Variants in TANC2 observed in about 807,000 individuals in gnomAD.
TANC2 encodes tetratricopeptide repeat, ankyrin repeat and coiled-coil containing 2.
A neutral mutation model predicts 210.5 loss-of-function variants in TANC2; 26 were observed. The ratio of observed to expected loss-of-function variants is 0.12; its 90% CI spans 0.09 to 0.17. TANC2 has a LOEUF of 0.17. TANC2 is among the 10% of genes least tolerant of loss of function. The pLI is 1.00. For synonymous variants in TANC2, 931 were observed against 967.1 expected (o/e 0.96, Z 0.69); for missense variants, 2,129 against 2,608.9 (o/e 0.82, Z 4.01).
At chr17:63,331,643 T>C (rs1302941594) in intron 11 of TANC2, among the ~76,000 whole-genome samples, 4 of 152,218 alleles carry the variant, frequency 2.6e-5, no homozygotes, top group African/African-American at 7.2e-5. Context: ...CAAAAAGATC[T>C]GGGTTTTTCA....
chr17:63,028,657 G>A (rs754546730), intron 2 of TANC2, among the ~76,000 whole-genome samples: 15 of 152,150 alleles, frequency 9.9e-5, no homozygotes, highest in Middle Eastern at 6.8e-3. Context: ...CACTTTTCAG[G>A]AAGAAAAAGG....
At chr17:63,010,410 CTG>C (rs2033812896) in intron 2 of TANC2, among the ~76,000 whole-genome samples, 1 of 151,058 alleles carries the variant, frequency 6.6e-6, no homozygotes, top group Non-Finnish European at 1.5e-5. Flanking sequence ...AAAAGGAAAA[CTG>C]TTTTTTCCTC....
intron 7 of TANC2, among the ~76,000 whole-genome samples, chr17:63,203,940 T>C (rs773456074): frequency 6.6e-6 from 1 of 152,058 alleles, no homozygotes; most frequent in Non-Finnish European, 1.5e-5. Context: ...ATGAGGATGA[T>C]TAAAGAATAA....
chr17:63,256,871 T>A (rs538608226), intron 8 of TANC2, among the ~76,000 whole-genome samples: 1 of 152,304 alleles, frequency 6.6e-6, no homozygotes, highest in East Asian at 1.9e-4. Context: ...GTGACTTTCT[T>A]TGTCTCTTTT....
At chr17:63,305,218 T>C (rs564025514) in intron 9 of TANC2, 3 of 152,280 alleles carry the variant, frequency 2.0e-5, no homozygotes, top group Admixed American at 2.0e-4. Flanking sequence ...GGCTCACGAG[T>C]AGGATCTTCC....
intron 7 of TANC2, among the ~76,000 whole-genome samples, chr17:63,234,448 C>T (rs1598664804): frequency 1.3e-5 from 2 of 152,100 alleles, no homozygotes; most frequent in African/African-American, 2.4e-5. Context: ...AGAATGAGGC[C>T]GATTATTTTC....
At chr17:63,411,372 A>G in intron 21 of TANC2, 139 bp from the exon 22 acceptor site, 1 of 782,586 alleles carries the variant, frequency 1.3e-6, no homozygotes, top group Non-Finnish European at 2.0e-6. Context: ...TACAACTGGC[A>G]TACCAGCATC....
intron 4 of TANC2, among the ~76,000 whole-genome samples, chr17:63,130,090 A>C (rs1340806936): frequency 6.6e-6 from 1 of 152,216 alleles, no homozygotes. Flanking sequence ...TAATCTTCTT[A>C]TAGATGTATA....
At chr17:63,009,163 ATAAT>A (rs1224347596) in intron 1 of TANC2, among the ~76,000 whole-genome samples, 1 of 151,962 alleles carries the variant, frequency 6.6e-6, no homozygotes, top group Non-Finnish European at 1.5e-5. Context: ...TTATGGGTAA[ATAAT>A]AGTTGTATAT....
At chr17:63,389,454 C>G in exon 17 of TANC2, 4 of 1,613,930 alleles carry the variant, frequency 2.5e-6, no homozygotes, top group Non-Finnish European at 2.5e-6. Flanking sequence ...ACGTGGATGC[C>G]TCTTCTGAAA....
intron 6 of TANC2, chr17:63,197,680 C>T (rs184109186): frequency 6.6e-6 from 1 of 152,224 alleles, no homozygotes; most frequent in East Asian, 1.9e-4. Flanking sequence ...TATGAATTTC[C>T]TCTTTAGCTT....
chr17:63,417,220 CTTT>C (rs2048891189), intron 26 of TANC2, among the ~76,000 whole-genome samples: 1 of 152,180 alleles, frequency 6.6e-6, no homozygotes, highest in South Asian at 2.1e-4. Context: ...TTCCCATCAA[CTTT>C]TAAAAAATTT....
At chr17:63,413,102 C>A (rs1015991872) in intron 24 of TANC2, 2 of 222,608 alleles carry the variant, frequency 9.0e-6, no homozygotes, top group African/African-American at 4.6e-5. Flanking sequence ...CAGTGGTTTC[C>A]CTTCTGCAAA....
chr17:63,015,058 G>A (rs1205105669), intron 2 of TANC2, among the ~76,000 whole-genome samples: 1 of 151,616 alleles, frequency 6.6e-6, no homozygotes, highest in Non-Finnish European at 1.5e-5. Context: ...ATGAATAATT[G>A]GGTAGATACT....
intron 3 of TANC2, among the ~76,000 whole-genome samples, chr17:63,098,516 T>TATAA (rs2037498450): frequency 1.0e-5 from 1 of 97,538 alleles, no homozygotes; most frequent in African/African-American, 6.7e-5. Flanking sequence ...TCTCTGTGTG[T>TATAA]ATATATATAT....
chr17:63,405,596 C>T (rs2048478967), intron 20 of TANC2, among the ~76,000 whole-genome samples: 1 of 152,188 alleles, frequency 6.6e-6, no homozygotes, highest in Non-Finnish European at 1.5e-5. Flanking sequence ...CTGAGACTTA[C>T]TAAAAGAAAA....
At chr17:63,081,745 A>G (rs1354659420) in intron 3 of TANC2, among the ~76,000 whole-genome samples, 10 of 152,238 alleles carry the variant, frequency 6.6e-5, no homozygotes, top group African/African-American at 2.4e-4. Flanking sequence ...CACATTTTGT[A>G]TCAGAACATA....
rs138371976 is a variant in TANC2, at chr17:63,249,148, A to G, written c.1033+11071A>G. On this transcript the variant is annotated intron_variant, in intron 8 of 27. Transcript: ENST00000689528. ...AACATGAAAACTTTTAACTCAAATG[A>G]TAAAGTGATTAAAGTTGAGTTTTGG... 5.3e-5 allele frequency among the ~76,000 whole-genome samples: 8 copies of G among 152,308 alleles called. No homozygotes were observed. The East Asian group carries it at 1.5e-3, about 29-fold the overall frequency.
intron 15 of TANC2, chr17:63,381,281 C>G (rs1229923850): frequency 6.6e-6 from 1 of 152,206 alleles, no homozygotes; most frequent in Non-Finnish European, 1.5e-5. Context: ...ATGCAGACAG[C>G]ATGGTTGCCT....
Sources: gnomAD v4.1 joint callset for allele counts (sites outside exome capture counted in the v4.1 genomes callset) on GRCh38, gnomAD v4.1.1 for gene constraint, MANE v1.5 for transcripts, NCBI Gene and HGNC (gene_info 2026-07-23, HGNC 2026-07-21) for gene names.